The following ZNF536 variants were observed in gnomAD, a reference collection of about 807,000 sequenced individuals.
ZNF536 encodes the protein zinc finger protein 536.
A neutral mutation model predicts 84.5 loss-of-function variants in ZNF536; 13 were observed. The observed-to-expected ratio is 0.15, with a 90% CI of 0.10 to 0.24. The LOEUF (loss-of-function observed/expected upper bound fraction) is 0.24. ZNF536 is among the 10% of genes least tolerant of loss of function. ZNF536 has a pLI of 1.00. For synonymous variants in ZNF536, 811 were observed against 742.5 expected, an observed-to-expected ratio of 1.09 and a Z score of -1.50; for missense variants, 1,536 against 1,747.5, an observed-to-expected ratio of 0.88 and a Z score of 2.16.
chr19:30,335,181 G>C (rs1406479977), intron 2 of ZNF536, among the ~76,000 whole-genome samples: 1 of 152,204 alleles, frequency 6.6e-6, no homozygotes, highest in African/African-American at 2.4e-5. Context: ...GAAGGAACAA[G>C]CCTGAGAGCC....
intron 2 of ZNF536, among the ~76,000 whole-genome samples, chr19:30,488,394 G>A (rs1399056831): frequency 6.6e-6 from 1 of 152,058 alleles, no homozygotes; most frequent in Non-Finnish European, 1.5e-5. Context: ...ACTTTGTGAG[G>A]ACTCTTCATG....
intron 2 of ZNF536, among the ~76,000 whole-genome samples, chr19:30,487,633 T>C (rs998312973): frequency 1.2e-4 from 18 of 152,194 alleles, no homozygotes; most frequent in Non-Finnish European, 1.8e-4. Flanking sequence ...ATTAGAAAAC[T>C]CAACCCCCTG....
chr19:30,545,176 C>G (rs1445038432), intron 3 of ZNF536, among the ~76,000 whole-genome samples: 1 of 152,114 alleles, frequency 6.6e-6, no homozygotes, highest in African/African-American at 2.4e-5. Context: ...CATCAAGCCC[C>G]CAAGGCAATT....
chr19:30,495,509 T>C (rs560940334), intron 2 of ZNF536, among the ~76,000 whole-genome samples: 1 of 152,322 alleles, frequency 6.6e-6, no homozygotes, highest in South Asian at 2.1e-4. Context: ...AGAGGCATGC[T>C]GGTGTTTCGA....
At chr19:30,478,592 C>T (rs1242687252) in intron 2 of ZNF536, among the ~76,000 whole-genome samples, 1 of 152,178 alleles carries the variant, frequency 6.6e-6, no homozygotes, top group Non-Finnish European at 1.5e-5. Flanking sequence ...TAGTACTTAC[C>T]TTAGATGACT....
intron 1 of ZNF536, among the ~76,000 whole-genome samples, chr19:30,622,062 G>A (rs1278053827): frequency 5.3e-5 from 8 of 152,118 alleles, no homozygotes; most frequent in Non-Finnish European, 8.8e-5. Context: ...TCAACTTCCC[G>A]GCTTGAAACG....
At chr19:30,655,630 C>T (rs1336016786) in intron 1 of ZNF536, among the ~76,000 whole-genome samples, 1 of 152,148 alleles carries the variant, frequency 6.6e-6, no homozygotes, top group Non-Finnish European at 1.5e-5. Flanking sequence ...TTGAGCTGGG[C>T]CTGCAAAGAT....
Position 30,340,440 on chromosome 19 carries a change from GAA to G in ZNF536, c.-119-11927_-119-11926del, listed in dbSNP as rs530339086. ...TGCTTTGGGTGTCAATATCCCCTAA[GAA>G]CAGGGCTTGGACTCGATGCATAATC... On this transcript the variant is annotated intron_variant, in intron 2 of 5. Coordinates refer to the ZNF536 transcript ENST00000585628. Among the ~76,000 whole-genome samples, 241 of 152,294 alleles carry G rather than the reference GAA, an allele frequency of 1.6e-3. 2 individuals carry two copies. The highest frequency in any genetic ancestry group is 5.3e-3 in the African/African-American group (221 of 41,560).
At chr19:30,595,412 C>G (rs1057287101) in intron 1 of ZNF536, among the ~76,000 whole-genome samples, 1 of 152,130 alleles carries the variant, frequency 6.6e-6, no homozygotes, top group African/African-American at 2.4e-5. Context: ...CTCAGCCTCC[C>G]GAGTAGCTGG....
chr19:30,662,412 T>A (rs1031355066), intron 1 of ZNF536, among the ~76,000 whole-genome samples: 1 of 152,224 alleles, frequency 6.6e-6, no homozygotes, highest in Non-Finnish European at 1.5e-5. Flanking sequence ...ACATTGTTAC[T>A]GAATAAAGAC....
At chr19:30,565,172 T>C (rs1776539352) in intron 1 of ZNF536, among the ~76,000 whole-genome samples, 1 of 151,658 alleles carries the variant, frequency 6.6e-6, no homozygotes, top group Non-Finnish European at 1.5e-5. Flanking sequence ...CTTTCCTTTT[T>C]TTTTTTTTTT....
At chr19:30,695,276 C>T (rs1408399612) in intron 1 of ZNF536, among the ~76,000 whole-genome samples, 1 of 152,138 alleles carries the variant, frequency 6.6e-6, no homozygotes, top group East Asian at 1.9e-4. Context: ...GTGTGCATAG[C>T]AAGGTGGGGA....
intron 1 of ZNF536, among the ~76,000 whole-genome samples, chr19:30,678,845 G>A (rs1471724846): frequency 1.3e-5 from 2 of 151,834 alleles, no homozygotes; most frequent in African/African-American, 4.8e-5. Flanking sequence ...AGGAGGCTGA[G>A]ACAGAAGGGT....
At chr19:30,474,141 G>T (rs977992714) in intron 2 of ZNF536, among the ~76,000 whole-genome samples, 2 of 152,180 alleles carry the variant, frequency 1.3e-5, no homozygotes, top group Non-Finnish European at 2.9e-5. Context: ...CAGAGACAAA[G>T]GTGAAGCACA....
intron 3 of ZNF536, among the ~76,000 whole-genome samples, chr19:30,362,098 A>C (rs1353337835): frequency 6.6e-6 from 1 of 152,190 alleles, no homozygotes; most frequent in Non-Finnish European, 1.5e-5. Flanking sequence ...GTGCAGGAAG[A>C]GAGATCTGGG....
chr19:30,385,766 A>T (rs1286192718), intron 1 of ZNF536, among the ~76,000 whole-genome samples: 1 of 151,836 alleles, frequency 6.6e-6, no homozygotes, highest in East Asian at 1.9e-4. Flanking sequence ...CCCAGGTGCA[A>T]CTCCGCCTCC....
At chr19:30,372,999 T>A (rs191115476) in intron 1 of ZNF536, among the ~76,000 whole-genome samples, 156 of 152,298 alleles carry the variant, frequency 1.0e-3, no homozygotes, top group Non-Finnish European at 1.5e-3. Context: ...AAATTTTGCT[T>A]TTAATCTGTC....
chr19:30,371,914 T>C (rs954262863), upstream of ZNF536, among the ~76,000 whole-genome samples: 2 of 152,144 alleles, frequency 1.3e-5, no homozygotes, highest in African/African-American at 4.8e-5. Flanking sequence ...CATAGATTCT[T>C]CCTTAAGTGT....
intron 4 of ZNF536, among the ~76,000 whole-genome samples, chr19:30,553,373 C>T (rs572342098): frequency 2.2e-4 from 33 of 152,302 alleles, no homozygotes; most frequent in African/African-American, 7.0e-4. Context: ...CTGCATGGAA[C>T]GGTTAAAAAG....
Sources: gnomAD v4.1 joint callset for allele counts (sites outside exome capture counted in the v4.1 genomes callset) on GRCh38, gnomAD v4.1.1 for gene constraint, MANE v1.5 for transcripts, NCBI Gene and HGNC (gene_info 2026-07-23, HGNC 2026-07-21) for gene names.